MEI4: variants seen among roughly 807,000 people sequenced by gnomAD.
MEI4 encodes the protein meiosis-specific protein MEI4.
A neutral mutation model predicts 31.4 loss-of-function variants in MEI4; 27 were observed. The ratio of observed to expected loss-of-function variants is 0.86; its 90% confidence interval spans 0.63 to 1.19. MEI4 has a LOEUF of 1.19. Among genes scored for constraint, MEI4 ranks in the 50% most tolerant of loss-of-function variants. The probability of loss-of-function intolerance (pLI) is 0.00; values close to 1 mark genes in which losing one functional copy is unlikely to be tolerated. For missense variants in MEI4, 329 were observed against 398.9 expected (o/e 0.82, Z 1.49); for synonymous variants, 122 against 145.4 (o/e 0.84, Z 1.16).
intron 3 of MEI4, among the ~76,000 whole-genome samples, chr6:77,825,510 A>AT (rs1769922620): frequency 1.3e-5 from 2 of 152,130 alleles, no homozygotes; most frequent in African/African-American, 4.8e-5. Context: ...CACAGGAGAC[A>AT]TTTTTTTAGG....
chr6:77,728,093 CT>C (rs1766872923), intron 2 of MEI4, among the ~76,000 whole-genome samples: 1 of 152,046 alleles, frequency 6.6e-6, no homozygotes, highest in South Asian at 2.1e-4. Context: ...AAATTGCAGA[CT>C]TGTTGTGCTT....
intron 3 of MEI4, among the ~76,000 whole-genome samples, chr6:77,797,019 C>A (rs997070854): frequency 2.0e-5 from 3 of 151,968 alleles, no homozygotes; most frequent in Non-Finnish European, 4.4e-5. Context: ...AGAATAGATA[C>A]CTCAAAAATA....
At chr6:77,670,483 C>T (rs752970050) in intron 1 of MEI4, among the ~76,000 whole-genome samples, 8 of 152,206 alleles carry the variant, frequency 5.3e-5, no homozygotes, top group Non-Finnish European at 8.8e-5. Flanking sequence ...CAAGTGGCAA[C>T]ATGGCCTAGT....
chr6:77,781,258 C>G (rs1007532949), intron 3 of MEI4, among the ~76,000 whole-genome samples: 3 of 152,078 alleles, frequency 2.0e-5, no homozygotes, highest in East Asian at 1.9e-4. Flanking sequence ...TTTACTGATA[C>G]TGTATCACAT....
At chr6:77,834,032 T>C (rs943683967) in intron 4 of MEI4, among the ~76,000 whole-genome samples, 2 of 152,140 alleles carry the variant, frequency 1.3e-5, no homozygotes, top group East Asian at 1.9e-4. Context: ...CTATCATTGA[T>C]GGGCACTTGG....
intron 4 of MEI4, among the ~76,000 whole-genome samples, chr6:77,910,923 TG>T (rs1313000124): frequency 7.4e-4 from 58 of 78,470 alleles, no homozygotes; most frequent in East Asian, 1.2e-3. Context: ...CACCAGCTTC[TG>T]GTTTTTTTTT....
At position 77,677,088 on chromosome 6, in the gene MEI4, A is replaced by G. The variant is rs540810506; in HGVS notation, c.-14-13570A>G. 9.8e-5 allele frequency among the ~76,000 whole-genome samples: 15 copies of G among 152,340 alleles called. 1 individual carries two copies. In the South Asian group the frequency reaches 2.3e-3, roughly 23 times the overall value. ...TTAAGATGTTTATATTACTTCAGTC[A>G]CTTTATGCTAGAAAAGTTCTGTGAG... is the stretch of plus-strand genomic sequence containing the variant. On this transcript the variant is annotated intron_variant, in intron 1 of 4. Transcript: ENST00000684080.
At chr6:77,913,083 C>G (rs1766466825) in intron 4 of MEI4, among the ~76,000 whole-genome samples, 1 of 151,982 alleles carries the variant, frequency 6.6e-6, no homozygotes, top group African/African-American at 2.4e-5. Context: ...TGGGTTTTGT[C>G]CTTTATTCCA....
intron 4 of MEI4, among the ~76,000 whole-genome samples, chr6:77,900,850 C>T (rs1054601483): frequency 2.6e-5 from 4 of 151,928 alleles, no homozygotes; most frequent in East Asian, 1.9e-4. Flanking sequence ...ATTTTGTGTC[C>T]GTTGACATCT....
At chr6:77,790,170 G>C (rs547678505) in intron 3 of MEI4, among the ~76,000 whole-genome samples, 1 of 148,324 alleles carries the variant, frequency 6.7e-6, no homozygotes, top group African/African-American at 2.5e-5. Flanking sequence ...AGCAAACACC[G>C]CATGTTCTCA....
intron 4 of MEI4, among the ~76,000 whole-genome samples, chr6:77,916,622 T>C (rs1278343184): frequency 6.6e-6 from 1 of 152,088 alleles, no homozygotes; most frequent in Non-Finnish European, 1.5e-5. Flanking sequence ...TTGTCAACAA[T>C]GTTTATAGCA....
intron 1 of MEI4, among the ~76,000 whole-genome samples, chr6:77,675,251 C>T (rs1266527705): frequency 6.6e-6 from 1 of 151,908 alleles, no homozygotes; most frequent in East Asian, 1.9e-4. Context: ...TTTATAGGTA[C>T]TCTTTAGATA....
At chr6:77,842,605 T>C (rs926092700) in intron 4 of MEI4, among the ~76,000 whole-genome samples, 1 of 152,150 alleles carries the variant, frequency 6.6e-6, no homozygotes, top group Non-Finnish European at 1.5e-5. Flanking sequence ...TTAATATCTG[T>C]AATGATGTCC....
chr6:77,652,469 AG>A (rs1188945287), upstream of MEI4, among the ~76,000 whole-genome samples: 1 of 152,178 alleles, frequency 6.6e-6, no homozygotes, highest in Non-Finnish European at 1.5e-5. Context: ...CTTTTTTTAA[AG>A]CTGGGAGCAA....
chr6:77,777,011 A>C (rs915483317), intron 3 of MEI4, among the ~76,000 whole-genome samples: 6 of 152,166 alleles, frequency 3.9e-5, no homozygotes, highest in Non-Finnish European at 8.8e-5. Flanking sequence ...GTAGAAATGG[A>C]GATATGTATG....
intron 3 of MEI4, among the ~76,000 whole-genome samples, chr6:77,821,939 G>A (rs1769836269): frequency 6.6e-6 from 1 of 151,684 alleles, no homozygotes; most frequent in Non-Finnish European, 1.5e-5. Flanking sequence ...AGAAATGTTA[G>A]TCTCTCTCCT....
At chr6:77,673,135 A>T (rs535446663) in intron 1 of MEI4, among the ~76,000 whole-genome samples, 23 of 152,310 alleles carry the variant, frequency 1.5e-4, no homozygotes, top group African/African-American at 5.1e-4. Flanking sequence ...CAAGGAAGAC[A>T]TTGATCAATA....
rs139900666 is a variant in MEI4, at chr6:77,683,396, A to AT, written c.-14-7256dup. ...AACATGGCAGTCACCTCATATACTT[A>AT]TTTTTTGTGCGTGGTGAGAACACTT... On this transcript the variant is annotated intron_variant, in intron 1 of 4. Coordinates refer to ENST00000684080, the MANE Select transcript of MEI4 (RefSeq NM_001322247.2). Among the ~76,000 whole-genome samples, 1,224 of 152,194 alleles carry AT rather than the reference A, an allele frequency of 8.0e-3. 14 individuals carry two copies. The highest frequency in any genetic ancestry group is 0.027 in the African/African-American group (1,109 of 41,522).
chr6:77,859,651 C>T (rs1033611588), intron 4 of MEI4, among the ~76,000 whole-genome samples: 10 of 151,844 alleles, frequency 6.6e-5, no homozygotes, highest in Admixed American at 1.3e-4. Context: ...GTTTTTTGGC[C>T]GCATAAATGT....
Sources: gnomAD v4.1 joint callset for allele counts (sites outside exome capture counted in the v4.1 genomes callset) on GRCh38, gnomAD v4.1.1 for gene constraint, MANE v1.5 for transcripts, NCBI Gene and HGNC (gene_info 2026-07-23, HGNC 2026-07-21) for gene names.